The following FAT4 variants were observed in gnomAD, a reference collection of about 807,000 sequenced individuals.
The protein encoded by FAT4 is FAT atypical cadherin 4, also known as protocadherin Fat 4.
Under a neutral mutation model 303.9 loss-of-function variants are expected in FAT4, and 84 were observed. That is an observed-to-expected ratio of 0.28 (90% CI 0.23 to 0.33). The LOEUF (loss-of-function observed/expected upper bound fraction) is 0.33, where lower values mean the gene tolerates loss of function less well. Ranked by LOEUF, FAT4 falls within the 10% of genes least tolerant of loss-of-function variation. The pLI, the probability that FAT4 is intolerant of heterozygous loss-of-function variation, is 1.00. For synonymous variants in FAT4, 2,307 were observed against 2,298.8 expected (o/e 1.00, Z -0.10); for missense variants, 6,005 against 6,146.8 (o/e 0.98, Z 0.77).
intron 2 of FAT4, among the ~76,000 whole-genome samples, chr4:125,352,121 T>A (rs1375639433): frequency 2.0e-5 from 3 of 151,742 alleles, no homozygotes; most frequent in Admixed American, 6.6e-5. Flanking sequence ...CTAATTTAAT[T>A]GTCATGATTT....
chr4:125,403,734 A>G (rs925368571), intron 3 of FAT4, among the ~76,000 whole-genome samples: 3 of 152,168 alleles, frequency 2.0e-5, no homozygotes, highest in Non-Finnish European at 4.4e-5. Flanking sequence ...CCTCAGTAAG[A>G]GTACTCTCTT....
chr4:125,426,448 C>G (rs1042946388), intron 7 of FAT4, among the ~76,000 whole-genome samples: 1 of 151,932 alleles, frequency 6.6e-6, no homozygotes, highest in Non-Finnish European at 1.5e-5. Flanking sequence ...GCATATTTGT[C>G]ATAGATGGGA....
chr4:125,444,032 C>T (rs1422776955), intron 8 of FAT4, among the ~76,000 whole-genome samples: 2 of 152,066 alleles, frequency 1.3e-5, no homozygotes, highest in African/African-American at 4.8e-5. Flanking sequence ...ATATTAATGA[C>T]TATTTGCTCA....
In FAT4 at chr4:125,438,832, T is replaced by C. The variant is rs182552010; in HGVS notation, c.7199+4407T>C. ...TATCCTGAAGAAAATCTATTCTTTC[T>C]TCAGATTAAAAGAGCTATTGGTTTA... is the stretch of plus-strand genomic sequence containing the variant. On this transcript the variant is annotated intron_variant, in intron 8 of 17. Transcript: ENST00000394329. 5.2e-3 allele frequency among the ~76,000 whole-genome samples: 795 copies of C among 152,280 alleles called. 2 individuals are homozygous for C. The highest frequency in any genetic ancestry group is 9.3e-3 in the Admixed American group (142 of 15,300).
At chr4:125,417,065 C>T (rs895624353) in intron 7 of FAT4, among the ~76,000 whole-genome samples, 1 of 151,994 alleles carries the variant, frequency 6.6e-6, no homozygotes, top group African/African-American at 2.4e-5. Context: ...TTCTGATTGC[C>T]TCTATGTTAT....
At chr4:125,395,648 A>G (rs1734142388) in intron 2 of FAT4, among the ~76,000 whole-genome samples, 1 of 152,098 alleles carries the variant, frequency 6.6e-6, no homozygotes, top group East Asian at 1.9e-4. Context: ...ACAAGATGAC[A>G]CTAATTTTGG....
chr4:125,461,297 CAA>C (rs1222209107), intron 10 of FAT4, among the ~76,000 whole-genome samples: 5 of 151,914 alleles, frequency 3.3e-5, no homozygotes, highest in Non-Finnish European at 7.4e-5. Context: ...CTATTTAACT[CAA>C]GATTTATAAA....
chr4:125,419,060 A>T (rs1477587130), intron 7 of FAT4, among the ~76,000 whole-genome samples: 1 of 152,118 alleles, frequency 6.6e-6, no homozygotes, highest in Non-Finnish European at 1.5e-5. Context: ...TTCACATCCT[A>T]CCTCTGACAT....
chr4:125,389,174 A>C (rs1733882155), intron 2 of FAT4, among the ~76,000 whole-genome samples: 1 of 152,134 alleles, frequency 6.6e-6, no homozygotes, highest in Admixed American at 6.6e-5. Context: ...ATACTTAGAT[A>C]TTTTTATGTG....
Position 125,451,483 on chromosome 4 carries a change from A to G in FAT4, c.10473A>G (p.Ser3491=), listed in dbSNP as rs1471919009. 6.2e-7 allele frequency: 1 copy of G among 1,614,060 alleles called. No homozygotes were observed. The highest frequency in any genetic ancestry group is 1.3e-5 in the African/African-American group (1 of 74,934). Residue 3491 remains serine, a synonymous_variant, in exon 10 of 18, where the codon TCA becomes TCG. Transcript: ENST00000394329. ...SVLAVDSGTP[S]ATGSASLLVT... ...TGGCTGTTGATTCAGGGACCCCCTCAGCTACAGGTAGTGCCTCTTTATTAG... is the reference window on the plus strand; with the variant it reads ...TGGCTGTTGATTCAGGGACCCCCTCGGCTACAGGTAGTGCCTCTTTATTAG...
rs1339589281 is a variant in FAT4 at position 125,491,953 on chromosome 4, A to C, written c.*185A>C. The C allele has an allele frequency of 3.2e-5, 19 of 587,122 alleles. No homozygotes were observed. Among genetic ancestry groups the C allele is most frequent in the Non-Finnish European group, 8.6e-6 (3 of 349,034 alleles). 36.4% of individuals were successfully genotyped at this position (587,122 alleles called of 1,614,324 possible). Reference sequence around the variant, plus strand: ...ACTCACAACAACTCTTAATTTAAACATGTGTGGTTGAATTTATTTCCCTGC... The same window carrying C: ...ACTCACAACAACTCTTAATTTAAACCTGTGTGGTTGAATTTATTTCCCTGC... On this transcript the variant is annotated 3_prime_UTR_variant, in exon 18 of 18. Transcript: ENST00000394329.
Position 125,319,030 on chromosome 4 carries a change from G to C in FAT4, c.2619G>C (p.Val873=). The C allele has an allele frequency of 6.2e-7, 1 of 1,614,194 alleles. No individual in the cohort carries two copies. Among genetic ancestry groups the C allele is most frequent in the East Asian group, 2.2e-5 (1 of 44,880 alleles). Reference sequence around the variant, plus strand: ...AGGTAGTGGCCAGTGGGGGCACAGTGACTGGAGACACTATGGTTAACATAA... The same window carrying C: ...AGGTAGTGGCCAGTGGGGGCACAGTCACTGGAGACACTATGGTTAACATAA... The part of the protein sequence containing the change: ...QLKVVASGGT[V]TGDTMVNITV... Residue 873 remains valine (V), a synonymous_variant, in exon 2 of 18, where the codon GTG becomes GTC. Transcript: ENST00000394329.
intron 8 of FAT4, among the ~76,000 whole-genome samples, chr4:125,440,602 T>TGAGAGAGAGAGA (rs1341932028): frequency 1.7e-5 from 1 of 57,272 alleles, no homozygotes; most frequent in East Asian, 6.7e-4. Flanking sequence ...TGTGTGTGTG[T>TGAGAGAGAGAGA]GTGTGTGTGA....
Position 125,434,264 on chromosome 4 carries a change from A to G in FAT4, c.7038A>G (p.Gly2346=). The stretch of plus-strand genomic sequence containing the variant: ...TTTTAGGATCCCCTGCCTTGACTGG[A>G]ACTGGAACAATCAACGTCATAGTAG... ...ATDSGSPALT[G]TGTINVIVDD... The change falls in exon 8 of 18, where the codon GGA becomes GGG. Residue 2346 remains glycine, a synonymous_variant. Coordinates refer to ENST00000394329, the MANE Select transcript of FAT4 (RefSeq NM_001291303.3). 6.2e-7 allele frequency: 1 copy of G among 1,613,652 alleles called. No homozygotes were observed. The highest frequency in any genetic ancestry group is 8.5e-7 in the Non-Finnish European group (1 of 1,179,756).
In FAT4 at chr4:125,491,751, G is replaced by A. The variant is rs17009858; in HGVS notation, c.14935G>A (p.Ala4979Thr). Reference sequence around the variant, plus strand: ...TAAACCAGTCCCCAAAGATGGGGAAGCAGAACAGTATGTGTGAAGTTTATG... The same window carrying A: ...TAAACCAGTCCCCAAAGATGGGGAAACAGAACAGTATGTGTGAAGTTTATG... The part of the protein sequence containing the change: ...TTKPVPKDGE[A>T]EQYV The change falls in exon 18 of 18, where the codon GCA (alanine) becomes ACA (threonine). Residue 4979 changes from alanine to threonine, a missense_variant. By Grantham distance (58) the Ala-to-Thr change is moderately conservative (BLOSUM62 0). Coordinates refer to ENST00000394329, the MANE Select transcript of FAT4 (RefSeq NM_001291303.3). 1.5e-4 allele frequency: 237 copies of A among 1,612,218 alleles called. No homozygotes were observed. In the East Asian group the frequency reaches 4.4e-3, roughly 30 times the overall value.
intron 7 of FAT4, among the ~76,000 whole-genome samples, chr4:125,419,346 C>A (rs1414056292): frequency 6.6e-6 from 1 of 152,080 alleles, no homozygotes; most frequent in African/African-American, 2.4e-5. Flanking sequence ...TTCTTCATTC[C>A]TCTTCCTCTG....
chr4:125,489,067 T>G (rs1727511368), intron 17 of FAT4, among the ~76,000 whole-genome samples: 1 of 152,210 alleles, frequency 6.6e-6, no homozygotes, highest in African/African-American at 2.4e-5. Flanking sequence ...AAAATGCATG[T>G]GAGACTAATA....
chr4:125,420,992 A>G (rs1417118862), intron 7 of FAT4, among the ~76,000 whole-genome samples: 1 of 152,146 alleles, frequency 6.6e-6, no homozygotes, highest in Non-Finnish European at 1.5e-5. Context: ...GTGTAGTGGC[A>G]TGATCTTGGC....
intron 10 of FAT4, among the ~76,000 whole-genome samples, chr4:125,458,022 AT>A (rs147698758): frequency 0.025 from 3,784 of 152,140 alleles, 165 homozygotes; most frequent in African/African-American, 0.088. Context: ...ATGGGAATGG[AT>A]GGTGTTATAA....
Sources: allele counts gnomAD v4.1 joint callset (sites outside exome capture counted in the v4.1 genomes callset), GRCh38; gene constraint gnomAD v4.1.1; transcripts MANE v1.5; gene names NCBI Gene and HGNC (gene_info 2026-07-23, HGNC 2026-07-21).